JDP2: variants seen among roughly 807,000 people sequenced by gnomAD.
JDP2 encodes the protein Jun dimerization protein 2, also known as progesterone receptor co-activator.
Under a neutral mutation model 17.1 loss-of-function variants are expected in JDP2, and 9 were observed. The ratio of observed to expected loss-of-function variants is 0.53; its 90% confidence interval spans 0.32 to 0.92. The LOEUF is 0.92. JDP2 is among the 40% of genes least tolerant of loss of function. The pLI is 0.04. For missense variants in JDP2, 179 were observed against 220.0 expected, an observed-to-expected ratio of 0.81 and a Z score of 1.18; for synonymous variants, 107 against 95.6, an observed-to-expected ratio of 1.12 and a Z score of -0.69.
chr14:75,450,065 C>G (rs1447398463), intron 2 of JDP2, among the ~76,000 whole-genome samples: 2 of 152,132 alleles, frequency 1.3e-5, no homozygotes. Flanking sequence ...TCTCTTAATG[C>G]AAAAGAAGGT....
rs368063187 is a variant in JDP2, at chr14:75,461,545, T to G, written c.306+15T>G. 1.6e-5 allele frequency: 25 copies of G among 1,580,436 alleles called. No individual in the cohort carries two copies. The African/African-American group carries it at 3.2e-4, about 20-fold the overall frequency. ...TTCTGCAGCGGGTGAGCTGACCGGG[T>G]GGGTGGGGAGGCCTGCCATTCCTTG... On this transcript the variant is annotated intron_variant, in intron 3 of 3. Transcript: ENST00000651602.
Position 75,437,992 on chromosome 14 carries a change from G to T in JDP2, c.72G>T (p.Gly24=), listed in dbSNP as rs1194150769. The T allele has an allele frequency of 4.3e-6, 7 of 1,613,690 alleles. No individual in the cohort carries two copies. The highest frequency in any genetic ancestry group is 5.9e-6 in the Non-Finnish European group (7 of 1,179,840). Residue 24 remains glycine, a synonymous_variant, in exon 2 of 4, where the codon GGG becomes GGT. Transcript: ENST00000651602. ...TGCCAGGGCTTGGCCCCCTGACCGG[G>T]CTCCCCAGCTCGGCCCTGACTGTGG... The part of the protein sequence containing the change: ...GSLPGLGPLT[G]LPSSALTVEE...
chr14:75,432,221 C>A, intron 1 of JDP2: 1 of 1,187,004 alleles, frequency 8.4e-7, no homozygotes, highest in Non-Finnish European at 1.2e-6. Flanking sequence ...ATCTCCTCGA[C>A]TTTTGGAAGC....
intron 3 of JDP2, 24 bp from the exon 4 acceptor site, chr14:75,469,266 G>A (rs775752392): frequency 1.2e-6 from 2 of 1,604,192 alleles, no homozygotes; most frequent in South Asian, 2.2e-5. Flanking sequence ...GAAACTCACA[G>A]CGTGCTTCTG....
intron 3 of JDP2, among the ~76,000 whole-genome samples, chr14:75,464,229 GTTTAT>G (rs1431322521): frequency 6.6e-6 from 1 of 152,160 alleles, no homozygotes; most frequent in East Asian, 1.9e-4. Flanking sequence ...TTCTCTTGTA[GTTTAT>G]TTTTAATAGG....
At chr14:75,446,024 A>G (rs928495304) in intron 2 of JDP2, among the ~76,000 whole-genome samples, 2 of 152,248 alleles carry the variant, frequency 1.3e-5, no homozygotes, top group African/African-American at 2.4e-5. Flanking sequence ...CAAAGAAAAT[A>G]TATAAATGGC....
intron 2 of JDP2, among the ~76,000 whole-genome samples, chr14:75,452,187 G>A (rs1885895988): frequency 1.3e-5 from 2 of 152,244 alleles, no homozygotes; most frequent in Non-Finnish European, 1.5e-5. Flanking sequence ...AGAAGTCAGA[G>A]CTGGAAAGGA....
chr14:75,456,825 G>A (rs150360450), intron 2 of JDP2, among the ~76,000 whole-genome samples: 85 of 152,248 alleles, frequency 5.6e-4, no homozygotes, highest in African/African-American at 1.8e-3. Flanking sequence ...TTCATGCCTC[G>A]TCCAGTCAGC....
intron 3 of JDP2, among the ~76,000 whole-genome samples, chr14:75,464,080 T>A (rs1256427387): frequency 6.6e-6 from 1 of 152,212 alleles, no homozygotes; most frequent in East Asian, 1.9e-4. Flanking sequence ...GGCAGCATTG[T>A]CTGGGCCCAA....
chr14:75,454,544 T>C (rs1886014920), intron 2 of JDP2, among the ~76,000 whole-genome samples: 1 of 152,188 alleles, frequency 6.6e-6, no homozygotes, highest in South Asian at 2.1e-4. Flanking sequence ...AAGGTGATGA[T>C]AGACTGAGAT....
intron 2 of JDP2, among the ~76,000 whole-genome samples, chr14:75,453,625 T>G (rs1167827401): frequency 6.6e-6 from 1 of 152,180 alleles, no homozygotes; most frequent in Admixed American, 6.5e-5. Context: ...GCGGCAGGGC[T>G]CAGTACCTTC....
chr14:75,457,759 T>C (rs1886176924), intron 2 of JDP2, among the ~76,000 whole-genome samples: 1 of 152,224 alleles, frequency 6.6e-6, no homozygotes, highest in Non-Finnish European at 1.5e-5. Context: ...CAGGGGCCTG[T>C]GCCCCCAAAT....
At chr14:75,466,596 T>C (rs1886578604) in intron 3 of JDP2, among the ~76,000 whole-genome samples, 1 of 152,214 alleles carries the variant, frequency 6.6e-6, no homozygotes, top group African/African-American at 2.4e-5. Context: ...GCACTGATCT[T>C]TGTGTGTGAT....
At chr14:75,442,043 G>A (rs970240427) in intron 2 of JDP2, among the ~76,000 whole-genome samples, 1 of 151,982 alleles carries the variant, frequency 6.6e-6, no homozygotes, top group African/African-American at 2.4e-5. Context: ...GCCACGTCTC[G>A]GTGCTCTAGA....
At position 75,461,477 on chromosome 14, in the gene JDP2, G is replaced by T. The variant is rs991213675; in HGVS notation, c.253G>T (p.Ala85Ser). The change falls in exon 3 of 4, where the codon GCA becomes TCA. Residue 85 changes from alanine (A) to serine (S), a missense_variant. Coordinates refer to ENST00000651602, the MANE Select transcript of JDP2 (RefSeq NM_001135048.2). ...AAGGCGCCGGGAGAAGAACAAAGTC[G>T]CAGCAGCCCGATGCCGGAACAAGAA... is the stretch of plus-strand genomic sequence containing the variant. ...RKRRREKNKV[A>S]AARCRNKKKE... is the part of the protein sequence containing the mutation. The T allele has an allele frequency of 1.9e-6, 3 of 1,610,396 alleles. No homozygotes were observed. Among genetic ancestry groups the T allele is most frequent in the South Asian group, 1.1e-5 (1 of 89,784 alleles).
chr14:75,453,405 C>G (rs1885958332), intron 2 of JDP2, among the ~76,000 whole-genome samples: 1 of 152,208 alleles, frequency 6.6e-6, no homozygotes, highest in Non-Finnish European at 1.5e-5. Context: ...TCACTGACAA[C>G]TCAGCACGCC....
In JDP2 at chr14:75,437,949, C is replaced by T. The variant is rs750587919; in HGVS notation, c.29C>T (p.Ser10Leu). 17 of 1,612,488 alleles carry T rather than the reference C, an allele frequency of 1.1e-5. No individual in the cohort carries two copies. Among genetic ancestry groups the T allele is most frequent in the South Asian group, 4.4e-5 (4 of 90,742 alleles). Residue 10 changes from serine (S) to leucine (L), a missense_variant, in exon 2 of 4, where the codon TCG (serine) becomes TTG (leucine). Ser to Leu is a moderately radical substitution (Grantham distance 145, BLOSUM62 -2). Transcript: ENST00000651602. ...ATGCCTGGGCAGATCCCGGACCCTTCGGTGACCACAGGCTCCCTGCCAGGG... is the reference window on the plus strand; with the variant it reads ...ATGCCTGGGCAGATCCCGGACCCTTTGGTGACCACAGGCTCCCTGCCAGGG... MMPGQIPDP[S>L]VTTGSLPGLG...
intron 3 of JDP2, among the ~76,000 whole-genome samples, chr14:75,463,336 T>C (rs945486939): frequency 6.6e-6 from 1 of 152,242 alleles, no homozygotes; most frequent in African/African-American, 2.4e-5. Context: ...GTCAAGTTAC[T>C]TGGCCAAGGT....
chr14:75,450,793 A>G (rs1455217372), intron 2 of JDP2, among the ~76,000 whole-genome samples: 1 of 152,242 alleles, frequency 6.6e-6, no homozygotes. Flanking sequence ...AAAAGTCAAC[A>G]AGATGCAGAC....
Sources: allele counts gnomAD v4.1 joint callset (sites outside exome capture counted in the v4.1 genomes callset), GRCh38; gene constraint gnomAD v4.1.1; transcripts MANE v1.5; gene names NCBI Gene and HGNC (gene_info 2026-07-23, HGNC 2026-07-21).